The following GRIN3A variants were observed in gnomAD, a reference collection of about 807,000 sequenced individuals.
GRIN3A encodes the protein glutamate ionotropic receptor NMDA type subunit 3A.
GRIN3A carries 47 observed loss-of-function variants against 92.4 expected under a neutral mutation model. That is an observed-to-expected ratio of 0.51 (90% CI 0.40 to 0.65). The LOEUF (loss-of-function observed/expected upper bound fraction) is 0.65. GRIN3A is among the 30% of genes least tolerant of loss of function. GRIN3A has a pLI of 0.00. For synonymous variants in GRIN3A, 527 were observed against 540.6 expected (o/e 0.97, Z 0.35); for missense variants, 1,324 against 1,393.1 (o/e 0.95, Z 0.79).
At chr9:101,729,785 CTTCT>C (rs1480679622) in intron 1 of GRIN3A, among the ~76,000 whole-genome samples, 1 of 152,162 alleles carries the variant, frequency 6.6e-6, no homozygotes. Context: ...TCTTCTGCCA[CTTCT>C]TTCTTTTGTT....
intron 1 of GRIN3A, among the ~76,000 whole-genome samples, chr9:101,716,030 C>G (rs1363373995): frequency 6.6e-6 from 1 of 152,168 alleles, no homozygotes; most frequent in South Asian, 2.1e-4. Context: ...ACTTTATCCA[C>G]TTTTTCCAAA....
intron 6 of GRIN3A, among the ~76,000 whole-genome samples, chr9:101,599,937 C>G (rs537240975): frequency 6.6e-6 from 1 of 152,310 alleles, no homozygotes; most frequent in South Asian, 2.1e-4. Flanking sequence ...GACTGTGGAA[C>G]TACTAGCTCG....
intron 6 of GRIN3A, 61 bp from the exon 7 acceptor site, chr9:101,579,421 T>C (rs1827863499): frequency 6.5e-7 from 1 of 1,547,418 alleles, no homozygotes; most frequent in African/African-American, 1.4e-5. Flanking sequence ...CCAATGCTTG[T>C]GTACTCTTTG....
rs777496448 is a variant in GRIN3A at position 101,573,307 on chromosome 9, C to T, written c.3215G>A (p.Arg1072Gln). 4.8e-5 allele frequency: 77 copies of T among 1,613,860 alleles called. No homozygotes were observed. The highest frequency in any genetic ancestry group is 2.2e-4 in the East Asian group (10 of 44,876). ...NGKADSLNVS[R>Q]NSVMQELSEL... Reference sequence around the variant, plus strand: ...TGAGAGTTCCTGCATCACTGAGTTCCGAGATACATTTAGGGAGTCTGCTTT... The same window carrying T: ...TGAGAGTTCCTGCATCACTGAGTTCTGAGATACATTTAGGGAGTCTGCTTT... Residue 1072 changes from arginine (R) to glutamine (Q), a missense_variant, in exon 9 of 9, where the codon CGG becomes CAG. Transcript: ENST00000361820.
At chr9:101,637,249 C>T (rs1284720782) in intron 3 of GRIN3A, among the ~76,000 whole-genome samples, 6 of 152,150 alleles carry the variant, frequency 3.9e-5, no homozygotes, top group South Asian at 4.1e-4. Context: ...CCCTCCACCA[C>T]GCCCAGCTAA....
intron 3 of GRIN3A, among the ~76,000 whole-genome samples, chr9:101,641,076 C>T (rs1308416169): frequency 4.6e-5 from 7 of 151,972 alleles, no homozygotes; most frequent in Non-Finnish European, 7.4e-5. Context: ...TCTTACTAAG[C>T]GTTGGATGAA....
intron 3 of GRIN3A, among the ~76,000 whole-genome samples, chr9:101,648,440 C>A (rs1282259439): frequency 1.3e-5 from 2 of 151,996 alleles, no homozygotes; most frequent in East Asian, 3.9e-4. Flanking sequence ...TCTTCAGCTG[C>A]TGGATGGAAT....
chr9:101,638,880 A>G (rs978990926), intron 3 of GRIN3A, among the ~76,000 whole-genome samples: 1 of 152,228 alleles, frequency 6.6e-6, no homozygotes, highest in African/African-American at 2.4e-5. Context: ...TAATTGAAAG[A>G]GTTCAGCCAT....
At chr9:101,635,808 G>A (rs1258489110) in intron 3 of GRIN3A, among the ~76,000 whole-genome samples, 1 of 152,180 alleles carries the variant, frequency 6.6e-6, no homozygotes, top group Admixed American at 6.5e-5. Flanking sequence ...TTCTATCCCA[G>A]GGACAGATGC....
intron 8 of GRIN3A, among the ~76,000 whole-genome samples, chr9:101,575,163 T>G (rs1186597670): frequency 6.6e-6 from 1 of 152,204 alleles, no homozygotes; most frequent in African/African-American, 2.4e-5. Context: ...CCTGTGGTTC[T>G]TTAACATGCC....
chr9:101,689,042 C>G (rs1829578187), intron 1 of GRIN3A, among the ~76,000 whole-genome samples: 1 of 152,088 alleles, frequency 6.6e-6, no homozygotes, highest in Non-Finnish European at 1.5e-5. Flanking sequence ...CATTTCCTCA[C>G]TCCTCATTTT....
chr9:101,637,041 C>T (rs1411576612), intron 3 of GRIN3A, among the ~76,000 whole-genome samples: 1 of 152,142 alleles, frequency 6.6e-6, no homozygotes, highest in Non-Finnish European at 1.5e-5. Flanking sequence ...TGTAGGAGGA[C>T]TGAGACCTGC....
At chr9:101,585,125 T>C (rs1486622902) in intron 6 of GRIN3A, among the ~76,000 whole-genome samples, 1 of 152,168 alleles carries the variant, frequency 6.6e-6, no homozygotes, top group Non-Finnish European at 1.5e-5. Flanking sequence ...AAACAATTCC[T>C]GTAAAAGTAA....
In GRIN3A at chr9:101,708,856, G is replaced by A. The variant is rs73658432; in HGVS notation, c.700-21656C>T. Among the ~76,000 whole-genome samples the A allele has an allele frequency of 2.6e-3, 392 of 152,186 alleles. 2 individuals are homozygous for A. Among genetic ancestry groups the A allele is most frequent in the African/African-American group, 8.3e-3 (345 of 41,508 alleles). ...TTTGCAGACTGTCACATAAAATTTC[G>A]CAGTAAACCTCCAACATATGAATAT... On this transcript the variant is annotated intron_variant, in intron 1 of 8. Transcript: ENST00000361820.
At chr9:101,591,890 A>G (rs989144294) in intron 6 of GRIN3A, 5 of 152,164 alleles carry the variant, frequency 3.3e-5, no homozygotes, top group African/African-American at 9.7e-5. Flanking sequence ...ACTGAAACAC[A>G]TTTCCTCTCT....
At chr9:101,593,178 CT>C (rs1828056400) in intron 6 of GRIN3A, 2 of 152,194 alleles carry the variant, frequency 1.3e-5, no homozygotes, top group South Asian at 4.1e-4. Context: ...CTCACCATGG[CT>C]GATCTAAAGC....
intron 1 of GRIN3A, among the ~76,000 whole-genome samples, chr9:101,690,931 G>A (rs976180055): frequency 2.0e-5 from 3 of 151,856 alleles, no homozygotes; most frequent in Non-Finnish European, 4.4e-5. Flanking sequence ...TATGTTCCAG[G>A]CCATTAAAGA....
At chr9:101,636,092 A>C (rs1828781172) in intron 3 of GRIN3A, among the ~76,000 whole-genome samples, 1 of 152,158 alleles carries the variant, frequency 6.6e-6, no homozygotes, top group South Asian at 2.1e-4. Flanking sequence ...CATGTTGACC[A>C]GGCTGGTCTT....
intron 2 of GRIN3A, among the ~76,000 whole-genome samples, chr9:101,679,589 A>C (rs985392255): frequency 6.6e-6 from 1 of 152,176 alleles, no homozygotes; most frequent in South Asian, 2.1e-4. Context: ...AAGGGTTCCT[A>C]CTGAAAACAT....
Sources: allele counts gnomAD v4.1 joint callset (sites outside exome capture counted in the v4.1 genomes callset), GRCh38; gene constraint gnomAD v4.1.1; transcripts MANE v1.5; gene names NCBI Gene and HGNC (gene_info 2026-07-23, HGNC 2026-07-21).